The following CRISPLD2 variants were observed in gnomAD, a reference collection of about 807,000 sequenced individuals.
CRISPLD2 encodes cysteine rich secretory protein LCCL domain containing 2, also known as cysteine-rich secretory protein LCCL domain-containing 2.
CRISPLD2 carries 47 observed loss-of-function variants against 71.1 expected under a neutral mutation model. The ratio of observed to expected loss-of-function variants is 0.66; its 90% confidence interval spans 0.52 to 0.84. CRISPLD2 has a LOEUF of 0.84. Among genes scored for constraint, CRISPLD2 ranks in the 40% least tolerant of loss-of-function variants. CRISPLD2 has a pLI of 0.00. For missense variants in CRISPLD2, 830 were observed against 651.1 expected (o/e 1.27, Z -2.99); for synonymous variants, 317 against 250.1 (o/e 1.27, Z -2.52).
At chr16:84,887,654 A>C (rs1297998551) in intron 13 of CRISPLD2, among the ~76,000 whole-genome samples, 3 of 152,168 alleles carry the variant, frequency 2.0e-5, no homozygotes, top group Admixed American at 2.0e-4. Flanking sequence ...AGGCGTGTGG[A>C]TCACCTGAGG....
intron 6 of CRISPLD2, among the ~76,000 whole-genome samples, chr16:84,860,135 G>T (rs996309902): frequency 2.0e-5 from 3 of 152,134 alleles, no homozygotes. Context: ...TTCACTCACA[G>T]TGGGCCACCT....
chr16:84,839,208 T>G (rs545858097), intron 2 of CRISPLD2: 3 of 331,754 alleles, frequency 9.0e-6, no homozygotes, highest in Non-Finnish European at 1.8e-5. Flanking sequence ...CTTAACATTC[T>G]GCCAAAACAA....
intron 11 of CRISPLD2, 32 bp downstream of exon 11, chr16:84,873,995 T>C (rs377292503): frequency 6.5e-7 from 1 of 1,550,072 alleles, no homozygotes; most frequent in Non-Finnish European, 8.7e-7. Flanking sequence ...GCGACCATAA[T>C]ACCTGGGTTA....
intron 13 of CRISPLD2, among the ~76,000 whole-genome samples, chr16:84,888,717 C>T (rs1247636954): frequency 3.3e-5 from 5 of 152,332 alleles, no homozygotes; most frequent in South Asian, 2.1e-4. Context: ...GGCATTTGCA[C>T]GAGCCTTTCC....
intron 13 of CRISPLD2, among the ~76,000 whole-genome samples, chr16:84,884,224 G>A (rs909314227): frequency 8.5e-5 from 13 of 152,268 alleles, no homozygotes; most frequent in African/African-American, 2.4e-4. Flanking sequence ...TGCTGGCTCC[G>A]GGTGGCAGTC....
intron 1 of CRISPLD2, among the ~76,000 whole-genome samples, chr16:84,837,875 GGGCAGC>G (rs1276287432): frequency 6.6e-6 from 1 of 152,222 alleles, no homozygotes; most frequent in Non-Finnish European, 1.5e-5. Context: ...ACGTGGTTCT[GGGCAGC>G]TGTGTCTTAG....
chr16:84,845,752 C>A, intron 2 of CRISPLD2, 34 bp from the exon 3 acceptor site: 2 of 1,457,886 alleles, frequency 1.4e-6, no homozygotes, highest in Non-Finnish European at 1.9e-6. Context: ...CCCTCACCCT[C>A]ACCTCCTGGT....
At chr16:84,890,338 G>A (rs544632088) in intron 14 of CRISPLD2, among the ~76,000 whole-genome samples, 25 of 121,638 alleles carry the variant, frequency 2.1e-4, no homozygotes, top group African/African-American at 6.6e-4. Flanking sequence ...CAGCCTGGGC[G>A]ACAGAGTGAG....
intron 1 of CRISPLD2, among the ~76,000 whole-genome samples, chr16:84,833,553 G>A (rs1304181869): frequency 6.6e-6 from 1 of 152,114 alleles, no homozygotes; most frequent in African/African-American, 2.4e-5. Flanking sequence ...AGTTAGAGTG[G>A]GAGCCTCACA....
intron 5 of CRISPLD2, among the ~76,000 whole-genome samples, chr16:84,852,449 C>T (rs1289171772): frequency 6.6e-6 from 1 of 152,238 alleles, no homozygotes; most frequent in Non-Finnish European, 1.5e-5. Context: ...ACAGCACACT[C>T]CCTGTACCCC....
At chr16:84,882,347 CAAAAAAAAAAA>C (rs80146835) in intron 13 of CRISPLD2, among the ~76,000 whole-genome samples, 17 of 77,468 alleles carry the variant, frequency 2.2e-4, no homozygotes, top group Admixed American at 9.9e-4. Flanking sequence ...ACCAATAAAG[CAAAAAAAAAAA>C]AAAAAAAAAA....
intron 6 of CRISPLD2, among the ~76,000 whole-genome samples, chr16:84,862,291 C>A (rs767548691): frequency 6.6e-6 from 1 of 152,072 alleles, no homozygotes; most frequent in African/African-American, 2.4e-5. Flanking sequence ...CAGCCTCAAC[C>A]TCCCGGCCTC....
At chr16:84,841,846 C>T (rs1376575957) in intron 2 of CRISPLD2, among the ~76,000 whole-genome samples, 15 of 152,232 alleles carry the variant, frequency 9.9e-5, no homozygotes, top group Non-Finnish European at 2.2e-4. Flanking sequence ...CCACCCACTT[C>T]AGCCTCCCAA....
intron 3 of CRISPLD2, among the ~76,000 whole-genome samples, chr16:84,846,735 G>A (rs1916925087): frequency 6.6e-6 from 1 of 152,176 alleles, no homozygotes; most frequent in African/African-American, 2.4e-5. Flanking sequence ...CCAGCCGTCG[G>A]GAAGCTCACT....
chr16:84,867,674 C>A (rs184421067), intron 7 of CRISPLD2, among the ~76,000 whole-genome samples: 218 of 152,334 alleles, frequency 1.4e-3, no homozygotes, highest in African/African-American at 4.9e-3. Flanking sequence ...TCAAGCAATT[C>A]TCCTGCCTCA....
intron 13 of CRISPLD2, among the ~76,000 whole-genome samples, chr16:84,881,356 G>A (rs1452541137): frequency 6.6e-6 from 1 of 152,160 alleles, no homozygotes; most frequent in Non-Finnish European, 1.5e-5. Context: ...CTCTTCCTCT[G>A]TTTTTTCCCT....
chr16:84,850,081 T>A (rs948157753), intron 4 of CRISPLD2, among the ~76,000 whole-genome samples: 4 of 134,812 alleles, frequency 3.0e-5, no homozygotes, highest in Non-Finnish European at 6.4e-5. Context: ...TGTGGGAGTC[T>A]GTTTGTTTGC....
intron 14 of CRISPLD2, among the ~76,000 whole-genome samples, chr16:84,901,227 T>G (rs72799581): frequency 0.21 from 31,571 of 152,142 alleles, 3,753 homozygotes; most frequent in South Asian, 0.28. Context: ...GTGGTATGTC[T>G]ATGGCAGTAT....
chr16:84,905,707 CTTT>C (rs36068463), intron 14 of CRISPLD2, among the ~76,000 whole-genome samples: 90 of 116,074 alleles, frequency 7.8e-4, no homozygotes, highest in Admixed American at 1.2e-3. Flanking sequence ...CAATAAAGCT[CTTT>C]TTTTTTTTTT....
Sources: gnomAD v4.1 joint callset for allele counts (sites outside exome capture counted in the v4.1 genomes callset) on GRCh38, gnomAD v4.1.1 for gene constraint, MANE v1.5 for transcripts, NCBI Gene and HGNC (gene_info 2026-07-23, HGNC 2026-07-21) for gene names.